The following ITPRID1 variants were observed in gnomAD, a reference collection of about 807,000 sequenced individuals.
The protein encoded by ITPRID1 is ITPR interacting domain containing 1, also known as protein ITPRID1.
Under a neutral mutation model 95.4 loss-of-function variants are expected in ITPRID1, and 96 were observed. That is an observed-to-expected ratio of 1.01 (90% CI 0.85 to 1.19). The LOEUF (loss-of-function observed/expected upper bound fraction) is 1.19, where lower values mean the gene tolerates loss of function less well. ITPRID1 is among the 50% of genes most tolerant of loss of function. The probability of loss-of-function intolerance (pLI) is 0.00; values close to 1 mark genes in which losing one functional copy is unlikely to be tolerated. For missense variants in ITPRID1, 1,339 were observed against 1,252.9 expected (o/e 1.07, Z -1.04); for synonymous variants, 510 against 453.6 (o/e 1.12, Z -1.58).
chr7:31,579,445 T>A (rs1272398707), intron 9 of ITPRID1, among the ~76,000 whole-genome samples: 1 of 152,198 alleles, frequency 6.6e-6, no homozygotes, highest in Non-Finnish European at 1.5e-5. Context: ...TAACAGAATC[T>A]GCCTTGAAAA....
At chr7:31,639,357 T>G (rs981943789) in intron 10 of ITPRID1, among the ~76,000 whole-genome samples, 5 of 152,126 alleles carry the variant, frequency 3.3e-5, no homozygotes, top group African/African-American at 1.2e-4. Flanking sequence ...TCTTTTCTTC[T>G]GCAGTCTCTA....
intron 10 of ITPRID1, among the ~76,000 whole-genome samples, chr7:31,585,417 C>A (rs946346005): frequency 6.6e-6 from 1 of 152,096 alleles, no homozygotes; most frequent in Admixed American, 6.5e-5. Context: ...ATACTATCCT[C>A]CCTGAGCCCC....
chr7:31,618,785 C>G (rs1195029070), intron 10 of ITPRID1, among the ~76,000 whole-genome samples: 1 of 152,206 alleles, frequency 6.6e-6, no homozygotes, highest in Non-Finnish European at 1.5e-5. Context: ...CAGGATGAAA[C>G]CCAGGTTCCT....
chr7:31,542,818 A>T (rs1235282134), intron 1 of ITPRID1, among the ~76,000 whole-genome samples: 1 of 152,178 alleles, frequency 6.6e-6, no homozygotes. Context: ...ACAAAAATGT[A>T]TGCTGACAAC....
intron 5 of ITPRID1, 49 bp from the exon 6 acceptor site, chr7:31,569,709 G>T (rs368336404): frequency 1.3e-6 from 2 of 1,511,222 alleles, no homozygotes; most frequent in East Asian, 2.4e-5. Context: ...AAAATCTTCC[G>T]CAAGATAAAA....
rs772211715 is a variant in ITPRID1, at chr7:31,574,747, G to A, written c.598+5G>A. ...TTGAGAACCCCAACTTGTACGGTAA[G>A]CGAGGTGCCTGTGGCATTCGCATCT... On this transcript the variant is annotated splice_donor_5th_base_variant and intron_variant, in intron 8 of 14. Coordinates refer to ENST00000615280, the MANE Select transcript of ITPRID1 (RefSeq NM_001257967.3). 1.9e-6 allele frequency: 3 copies of A among 1,613,556 alleles called. No individual in the cohort carries two copies. Among genetic ancestry groups the A allele is most frequent in the Admixed American group, 3.3e-5 (2 of 59,974 alleles).
At chr7:31,656,519 C>G (rs1791312979), downstream of ITPRID1, 10 of 900,698 alleles carry the variant, frequency 1.1e-5, no homozygotes, top group Non-Finnish European at 1.3e-5. Context: ...TGTCTTCCTT[C>G]TGTTGAAAAG....
intron 10 of ITPRID1, among the ~76,000 whole-genome samples, chr7:31,617,997 G>GTT (rs1787432372): frequency 6.6e-6 from 1 of 152,156 alleles, no homozygotes; most frequent in Non-Finnish European, 1.5e-5. Context: ...TAGATAAACT[G>GTT]TTTATGCTGT....
At chr7:31,554,374 A>C (rs1784379651) in intron 3 of ITPRID1, 101 bp from the exon 4 acceptor site, 1 of 1,483,512 alleles carries the variant, frequency 6.7e-7, no homozygotes, top group Non-Finnish European at 9.0e-7. Flanking sequence ...ATGTGACTAA[A>C]TATGTGGGAA....
chr7:31,517,330 C>T (rs893914078), intron 1 of ITPRID1: 1 of 152,468 alleles, frequency 6.6e-6, no homozygotes, highest in East Asian at 1.9e-4. Context: ...CGTTTACAAA[C>T]CTTTAGCTAG....
chr7:31,571,216 G>A (rs1247775772), intron 6 of ITPRID1, among the ~76,000 whole-genome samples: 1 of 151,848 alleles, frequency 6.6e-6, no homozygotes, highest in African/African-American at 2.4e-5. Flanking sequence ...TTAGTGGAGA[G>A]GGGGTTTCAC....
chr7:31,626,659 G>C (rs1213125697), intron 10 of ITPRID1, among the ~76,000 whole-genome samples: 1 of 152,178 alleles, frequency 6.6e-6, no homozygotes, highest in East Asian at 1.9e-4. Context: ...CTGTAAAGGA[G>C]GAGTCAGTGC....
intron 1 of ITPRID1, among the ~76,000 whole-genome samples, chr7:31,518,638 C>A (rs1299122016): frequency 1.3e-5 from 2 of 152,166 alleles, no homozygotes; most frequent in African/African-American, 4.8e-5. Flanking sequence ...GAATGAAACA[C>A]ATGTAGCAAT....
chr7:31,601,459 T>A (rs1786388614), intron 10 of ITPRID1, among the ~76,000 whole-genome samples: 2 of 152,168 alleles, frequency 1.3e-5, no homozygotes, highest in Non-Finnish European at 1.5e-5. Flanking sequence ...CTGGTTGCCC[T>A]CTGAATTGAC....
At chr7:31,588,727 G>A (rs1161823685) in intron 10 of ITPRID1, among the ~76,000 whole-genome samples, 2 of 150,446 alleles carry the variant, frequency 1.3e-5, no homozygotes, top group Non-Finnish European at 3.0e-5. Flanking sequence ...GAAAATCACA[G>A]AAAGGAGAGA....
chr7:31,537,640 T>C (rs1481037946), intron 1 of ITPRID1, among the ~76,000 whole-genome samples: 1 of 152,182 alleles, frequency 6.6e-6, no homozygotes, highest in African/African-American at 2.4e-5. Flanking sequence ...ATGCTATATT[T>C]TAATGTTTTT....
intron 10 of ITPRID1, among the ~76,000 whole-genome samples, chr7:31,599,107 A>G (rs1017806935): frequency 5.3e-5 from 8 of 152,224 alleles, no homozygotes; most frequent in East Asian, 1.9e-4. Flanking sequence ...GAATGAAAGT[A>G]TAAGAATCAT....
intron 6 of ITPRID1, among the ~76,000 whole-genome samples, chr7:31,571,716 G>C (rs1784994458): frequency 6.6e-6 from 1 of 152,180 alleles, no homozygotes; most frequent in Non-Finnish European, 1.5e-5. Flanking sequence ...AATTAATGTA[G>C]AGTCACTTCA....
chr7:31,608,766 T>C (rs922793035), intron 10 of ITPRID1, among the ~76,000 whole-genome samples: 1 of 151,768 alleles, frequency 6.6e-6, no homozygotes, highest in African/African-American at 2.4e-5. Context: ...AGCGGATTTT[T>C]ATATACAAGA....
Sources: gnomAD v4.1 joint callset for allele counts (sites outside exome capture counted in the v4.1 genomes callset) on GRCh38, gnomAD v4.1.1 for gene constraint, MANE v1.5 for transcripts, NCBI Gene and HGNC (gene_info 2026-07-23, HGNC 2026-07-21) for gene names.